Variants in CD96 observed in about 807,000 individuals in gnomAD.
The protein encoded by CD96 is T-cell surface protein tactile.
In CD96, 70 loss-of-function variants were observed where a neutral mutation model predicts 71.3. The ratio of observed to expected loss-of-function variants is 0.98; its 90% CI spans 0.81 to 1.20. The LOEUF is 1.20. Among genes scored for constraint, CD96 ranks in the 50% most tolerant of loss-of-function variants. The probability of loss-of-function intolerance (pLI) is 0.00; values close to 1 mark genes in which losing one functional copy is unlikely to be tolerated. For missense variants in CD96, 742 were observed against 677.5 expected, an observed-to-expected ratio of 1.10 and a Z score of -1.06; for synonymous variants, 248 against 233.0, an observed-to-expected ratio of 1.06 and a Z score of -0.59.
downstream of CD96, among the ~76,000 whole-genome samples, chr3:111,654,807 C>T (rs1186259349): frequency 6.6e-6 from 1 of 152,188 alleles, no homozygotes; most frequent in Non-Finnish European, 1.5e-5. Flanking sequence ...GATATATCAC[C>T]AAATAAAATT....
chr3:111,609,970 A>G (rs1937827667), intron 8 of CD96, among the ~76,000 whole-genome samples: 1 of 152,216 alleles, frequency 6.6e-6, no homozygotes, highest in Admixed American at 6.5e-5. Flanking sequence ...TAAACATTGT[A>G]CAACACAGCC....
At chr3:111,603,843 G>GGT (rs1937553855) in intron 7 of CD96, among the ~76,000 whole-genome samples, 1 of 152,192 alleles carries the variant, frequency 6.6e-6, no homozygotes, top group African/African-American at 2.4e-5. Flanking sequence ...ACTGCATATT[G>GGT]GTGTGGAAGA....
intron 5 of CD96, among the ~76,000 whole-genome samples, chr3:111,585,694 G>A (rs1428305130): frequency 6.6e-6 from 1 of 152,186 alleles, no homozygotes; most frequent in Non-Finnish European, 1.5e-5. Flanking sequence ...AGGGCAGAAA[G>A]CAGTGTGAGC....
rs563996981 is a variant in CD96, at chr3:111,567,591, T to C, written c.487T>C (p.Cys163Arg). 3 of 1,610,794 alleles carry C rather than the reference T, an allele frequency of 1.9e-6. No individual in the cohort carries two copies. In the South Asian group the frequency reaches 3.3e-5, roughly 18 times the overall value. ...GATAAATCAGACTCTGGAAATACCA[T>C]GCTTTCAAAATAGCTCCTCAAAAAT... Reference protein sequence around the residue: ...IEINQTLEIPCFQNSSSKISS... With the variant: ...IEINQTLEIPRFQNSSSKISS... The change falls in exon 3 of 14, where the codon TGC becomes CGC. Residue 163 changes from cysteine to arginine, a missense_variant. Physicochemically the swap from Cys to Arg is radical, Grantham distance 180. Coordinates refer to ENST00000352690, the MANE Select transcript of CD96 (RefSeq NM_005816.5).
intron 12 of CD96, among the ~76,000 whole-genome samples, 182 bp downstream of exon 12, chr3:111,638,350 T>A (rs1939436534): frequency 6.6e-6 from 1 of 152,230 alleles, no homozygotes; most frequent in African/African-American, 2.4e-5. Flanking sequence ...TAATCACAAC[T>A]AAATTTATTT....
At position 111,579,183 on chromosome 3, in the gene CD96, A is replaced by G. The variant is rs375233278; in HGVS notation, c.700A>G (p.Arg234Gly). The change falls in exon 4 of 14, where the codon AGA becomes GGA. Residue 234 changes from arginine to glycine, a missense_variant. Physicochemically the swap from Arg to Gly is moderately radical, Grantham distance 125. Coordinates refer to ENST00000352690, the MANE Select transcript of CD96 (RefSeq NM_005816.5). Reference protein sequence around the residue: ...DDGRKFSCHIRVGPNKILRSS... With the variant: ...DDGRKFSCHIGVGPNKILRSS... ...TGGGCGGAAGTTCTCTTGCCACATT[A>G]GAGTCGGTCCTAACAAAATCTTGAG... 227 of 1,612,046 alleles carry G rather than the reference A, an allele frequency of 1.4e-4. 4 individuals carry two copies. In the South Asian group the frequency reaches 2.1e-3, roughly 15 times the overall value.
At chr3:111,568,155 C>T (rs1224275913) in intron 3 of CD96, among the ~76,000 whole-genome samples, 4 of 152,128 alleles carry the variant, frequency 2.6e-5, no homozygotes, top group Non-Finnish European at 5.9e-5. Flanking sequence ...GTATAAGAAA[C>T]AGTCACTGCC....
intron 12 of CD96, among the ~76,000 whole-genome samples, chr3:111,646,914 A>G (rs1939854749): frequency 1.3e-5 from 2 of 152,152 alleles, no homozygotes; most frequent in Admixed American, 6.5e-5. Flanking sequence ...TATTCTTTGC[A>G]GCAGCATGGA....
intron 12 of CD96, among the ~76,000 whole-genome samples, chr3:111,640,958 A>T (rs1939561041): frequency 6.6e-6 from 1 of 152,194 alleles, no homozygotes; most frequent in African/African-American, 2.4e-5. Flanking sequence ...TTACCAAACC[A>T]CCACTACAGG....
intron 10 of CD96, among the ~76,000 whole-genome samples, 179 bp downstream of exon 10, chr3:111,624,583 T>C (rs1407950203): frequency 6.6e-6 from 1 of 152,208 alleles, no homozygotes; most frequent in Non-Finnish European, 1.5e-5. Context: ...AAAAGAGATC[T>C]AAGCTCCAAA....
chr3:111,600,630 T>C, intron 6 of CD96, 96 bp from the exon 7 acceptor site: 1 of 941,240 alleles, frequency 1.1e-6, no homozygotes, highest in South Asian at 1.3e-5. Context: ...CTTTAGACTC[T>C]ACATTACCAC....
At chr3:111,639,568 G>A (rs1347021411) in intron 12 of CD96, among the ~76,000 whole-genome samples, 1 of 152,130 alleles carries the variant, frequency 6.6e-6, no homozygotes, top group East Asian at 1.9e-4. Flanking sequence ...AAGACAAAGG[G>A]CATATAATCT....
At chr3:111,595,539 A>G (rs1937215841) in intron 5 of CD96, 1 of 152,098 alleles carries the variant, frequency 6.6e-6, no homozygotes. Flanking sequence ...ACCACCAAGA[A>G]AAGGATGTTC....
At chr3:111,601,937 G>A (rs916901494) in intron 7 of CD96, among the ~76,000 whole-genome samples, 3 of 152,204 alleles carry the variant, frequency 2.0e-5, no homozygotes, top group East Asian at 1.9e-4. Flanking sequence ...CCGGGGCACT[G>A]GCATCGCTCC....
chr3:111,637,931 T>A, intron 11 of CD96, 148 bp from the exon 12 acceptor site: 1 of 661,216 alleles, frequency 1.5e-6, no homozygotes, highest in Non-Finnish European at 2.8e-6. Context: ...TATAAATTGG[T>A]TCTTAATAAA....
intron 10 of CD96, among the ~76,000 whole-genome samples, chr3:111,624,636 A>G (rs1265317972): frequency 6.6e-6 from 1 of 152,184 alleles, no homozygotes; most frequent in Admixed American, 6.5e-5. Context: ...AAGTTATATG[A>G]AAAAAAGGCA....
At position 111,545,129 on chromosome 3, in the gene CD96, A is replaced by G; in HGVS notation, c.145A>G (p.Thr49Ala). The G allele has an allele frequency of 1.9e-6, 3 of 1,614,186 alleles. No individual in the cohort carries two copies. The highest frequency in any genetic ancestry group is 2.5e-6 in the Non-Finnish European group (3 of 1,180,032). ...SDVNLTCQTQTVGFFVQMQWS... is the reference protein window; with the variant it reads ...SDVNLTCQTQAVGFFVQMQWS... ...TGTCAACCTGACCTGCCAAACACAG[A>G]CAGTAGGCTTCTTCGTGCAGATGCA... Residue 49 changes from threonine to alanine, a missense_variant, in exon 2 of 14, where the codon ACA becomes GCA. By Grantham distance (58) the Thr-to-Ala change is moderately conservative. Coordinates refer to ENST00000352690, the MANE Select transcript of CD96 (RefSeq NM_005816.5).
intron 12 of CD96, among the ~76,000 whole-genome samples, chr3:111,643,895 A>T (rs1277287045): frequency 1.3e-5 from 2 of 152,208 alleles, no homozygotes; most frequent in African/African-American, 4.8e-5. Context: ...CAATATTGTG[A>T]AAATTACCAT....
rs868222416 is a variant in CD96, at chr3:111,577,400, C to T, written c.544-1627C>T. The stretch of plus-strand genomic sequence containing the variant: ...TGCCAGTGCTGAGTGACATGCTCTC[C>T]ACTTTCTTCTCCTGTCCCCACCCAA... On this transcript the variant is annotated intron_variant, in intron 3 of 13. Coordinates refer to ENST00000352690, the MANE Select transcript of CD96 (RefSeq NM_005816.5). 3 of 831,698 alleles carry T rather than the reference C, an allele frequency of 3.6e-6. No individual in the cohort carries two copies. The Middle Eastern group carries it at 6.6e-4, about 182-fold the overall frequency. The allele number at this position is 831,698 out of a possible 1,614,324, so 51.5% of individuals were successfully genotyped here. A position where few individuals can be genotyped will look rare whatever the true frequency, so the allele number is the denominator to read the frequency against.
Sources: allele counts gnomAD v4.1 joint callset (sites outside exome capture counted in the v4.1 genomes callset), GRCh38; gene constraint gnomAD v4.1.1; transcripts MANE v1.5; gene names NCBI Gene and HGNC (gene_info 2026-07-23, HGNC 2026-07-21).